KCNQ3: variants seen among roughly 807,000 people sequenced by gnomAD.
KCNQ3 encodes potassium voltage-gated channel subfamily Q member 3.
Under a neutral mutation model 92.5 loss-of-function variants are expected in KCNQ3, and 30 were observed. The ratio of observed to expected loss-of-function variants is 0.32; its 90% CI spans 0.24 to 0.44. The LOEUF (loss-of-function observed/expected upper bound fraction) is 0.44. Ranked by LOEUF, KCNQ3 falls within the 20% of genes least tolerant of loss-of-function variation. KCNQ3 has a pLI of 1.00. For synonymous variants in KCNQ3, 450 were observed against 468.8 expected, an observed-to-expected ratio of 0.96 and a Z score of 0.52; for missense variants, 913 against 1,140.3, an observed-to-expected ratio of 0.80 and a Z score of 2.87.
chr8:132,209,333 C>CAG (rs1813775758), intron 1 of KCNQ3, among the ~76,000 whole-genome samples: 1 of 152,094 alleles, frequency 6.6e-6, no homozygotes, highest in Non-Finnish European at 1.5e-5. Context: ...GCAGACTTGT[C>CAG]AGAGTACTTG....
intron 1 of KCNQ3, among the ~76,000 whole-genome samples, chr8:132,462,202 T>C (rs1822076973): frequency 7.3e-6 from 1 of 137,616 alleles, no homozygotes; most frequent in Non-Finnish European, 1.6e-5. Context: ...TATTTATTTA[T>C]TTATTTTATT....
In KCNQ3 at chr8:132,126,394, T is replaced by C. The variant is rs1247653393; in HGVS notation, c.*2868A>G. 6.6e-6 allele frequency: 1 copy of C among 152,160 alleles called. No individual in the cohort carries two copies. The highest frequency in any genetic ancestry group is 1.5e-5 in the Non-Finnish European group (1 of 68,032). The allele number at this position is 152,160 out of a possible 1,614,324, so 9.4% of individuals were successfully genotyped here. On this transcript the variant is annotated 3_prime_UTR_variant, in exon 15 of 15. Transcript: ENST00000388996. ...ATTTCTGCTTGCTCACTGTGAGCCA[T>C]ATTGTTGAGATTGTCTGTGCATAGG...
At position 132,325,162 on chromosome 8, in the gene KCNQ3, C is replaced by A. The variant is rs117339635; in HGVS notation, c.387-138981G>T. Among the ~76,000 whole-genome samples, 17 of 151,896 alleles carry A rather than the reference C, an allele frequency of 1.1e-4. No homozygotes were observed. The East Asian group carries it at 3.3e-3, about 29-fold the overall frequency. On this transcript the variant is annotated intron_variant, in intron 1 of 14. Transcript: ENST00000388996. ...CTCGAGCCTTGTCCTGGGGTCCTGG[C>A]GGTGTGGATGGGGAAAGACAGTTAG...
chr8:132,464,344 T>A (rs1316767762), intron 1 of KCNQ3, among the ~76,000 whole-genome samples: 2 of 152,218 alleles, frequency 1.3e-5, no homozygotes, highest in African/African-American at 4.8e-5. Flanking sequence ...TGTCCATGTC[T>A]GCTTATCAGT....
chr8:132,262,465 C>G (rs186963314), intron 1 of KCNQ3, among the ~76,000 whole-genome samples: 1 of 152,168 alleles, frequency 6.6e-6, no homozygotes, highest in East Asian at 1.9e-4. Context: ...GCAATAACAT[C>G]TCGATGAAGG....
intron 1 of KCNQ3, among the ~76,000 whole-genome samples, chr8:132,393,413 A>G (rs1430989348): frequency 6.6e-6 from 1 of 152,110 alleles, no homozygotes; most frequent in African/African-American, 2.4e-5. Context: ...CAACTACTCA[A>G]CTCTGCCCTT....
At chr8:132,361,573 G>A (rs1819173243) in intron 1 of KCNQ3, among the ~76,000 whole-genome samples, 1 of 151,852 alleles carries the variant, frequency 6.6e-6, no homozygotes, top group Non-Finnish European at 1.5e-5. Context: ...AAAGTAAAAG[G>A]ATCTAAACAG....
intron 1 of KCNQ3, among the ~76,000 whole-genome samples, chr8:132,373,875 G>A (rs1819540786): frequency 6.6e-6 from 1 of 152,024 alleles, no homozygotes; most frequent in Non-Finnish European, 1.5e-5. Context: ...ACTTTTTCCA[G>A]AGCCCCTGCA....
chr8:132,406,632 G>A (rs950101521), intron 1 of KCNQ3, among the ~76,000 whole-genome samples: 4 of 151,670 alleles, frequency 2.6e-5, no homozygotes, highest in East Asian at 1.9e-4. Flanking sequence ...ACATGGACAC[G>A]AACACACACA....
intron 12 of KCNQ3, among the ~76,000 whole-genome samples, chr8:132,136,142 A>C (rs976366505): frequency 6.7e-6 from 1 of 149,142 alleles, no homozygotes; most frequent in Admixed American, 6.7e-5. Context: ...AAAAAAAAAA[A>C]AAAAGAAAAG....
intron 1 of KCNQ3, among the ~76,000 whole-genome samples, chr8:132,268,309 G>A (rs1816051750): frequency 6.6e-6 from 1 of 152,166 alleles, no homozygotes; most frequent in Non-Finnish European, 1.5e-5. Flanking sequence ...GTCTCACTCA[G>A]TTGGTCACCC....
chr8:132,247,342 C>T (rs1815213533), intron 1 of KCNQ3, among the ~76,000 whole-genome samples: 1 of 152,182 alleles, frequency 6.6e-6, no homozygotes, highest in Admixed American at 6.5e-5. Flanking sequence ...TTCAAAGAGG[C>T]AGAGTGACTC....
chr8:132,309,601 A>G lies in KCNQ3; in HGVS notation c.387-123420T>C, dbSNP rs1422091782. Among the ~76,000 whole-genome samples, 3 of 152,220 alleles carry G rather than the reference A, an allele frequency of 2.0e-5. No homozygotes were observed. In the East Asian group the frequency reaches 5.8e-4, roughly 29 times the overall value. ...GAGGCACCTCCCAGCATCGCTGACA[A>G]GCGAGCTGCAACACCAAATAGCAAG... is the stretch of plus-strand genomic sequence containing the variant. On this transcript the variant is annotated intron_variant, in intron 1 of 14. Coordinates refer to ENST00000388996, the MANE Select transcript of KCNQ3 (RefSeq NM_004519.4).
intron 1 of KCNQ3, among the ~76,000 whole-genome samples, chr8:132,475,700 G>A (rs545310645): frequency 5.9e-5 from 9 of 152,342 alleles, no homozygotes; most frequent in African/African-American, 2.2e-4. Context: ...AACTGATATT[G>A]GTAAGGAAAG....
chr8:132,384,491 C>T (rs1819840861), intron 1 of KCNQ3, among the ~76,000 whole-genome samples: 1 of 152,148 alleles, frequency 6.6e-6, no homozygotes. Flanking sequence ...TCAGAGGGCC[C>T]TAAAGACTTC....
At chr8:132,446,969 G>A (rs1161511114) in intron 1 of KCNQ3, among the ~76,000 whole-genome samples, 3 of 152,212 alleles carry the variant, frequency 2.0e-5, no homozygotes, top group Non-Finnish European at 1.5e-5. Flanking sequence ...AAAATCAAAC[G>A]ATAGAAGTCA....
intron 1 of KCNQ3, among the ~76,000 whole-genome samples, chr8:132,436,545 A>T (rs925290329): frequency 6.6e-6 from 1 of 152,238 alleles, no homozygotes; most frequent in African/African-American, 2.4e-5. Context: ...CAGCTTCTGT[A>T]GACACTAACT....
intron 1 of KCNQ3, among the ~76,000 whole-genome samples, chr8:132,194,586 G>A (rs566479197): frequency 6.6e-6 from 1 of 152,218 alleles, no homozygotes; most frequent in African/African-American, 2.4e-5. Flanking sequence ...TAACTGGGGG[G>A]AAATGCCATT....
chr8:132,277,316 C>A (rs1166233169), intron 1 of KCNQ3, among the ~76,000 whole-genome samples: 1 of 152,218 alleles, frequency 6.6e-6, no homozygotes, highest in Non-Finnish European at 1.5e-5. Context: ...AAATCCAGTC[C>A]TCTTTCCACT....
Sources: allele counts gnomAD v4.1 joint callset (sites outside exome capture counted in the v4.1 genomes callset), GRCh38; gene constraint gnomAD v4.1.1; transcripts MANE v1.5; gene names NCBI Gene and HGNC (gene_info 2026-07-23, HGNC 2026-07-21).